Variants in CFAP299 observed in about 807,000 individuals in gnomAD.
CFAP299 encodes cilia and flagella associated protein 299.
In CFAP299, 21 loss-of-function variants were observed where a neutral mutation model predicts 27.0. The observed-to-expected ratio is 0.78, with a 90% CI of 0.55 to 1.12. The LOEUF (loss-of-function observed/expected upper bound fraction) is 1.12, where lower values mean the gene tolerates loss of function less well. Ranked by LOEUF, CFAP299 falls within the 50% of genes most tolerant of loss-of-function variation. CFAP299 has a pLI of 0.00. For synonymous variants in CFAP299, 104 were observed against 98.1 expected (o/e 1.06, Z -0.36); for missense variants, 310 against 276.6 (o/e 1.12, Z -0.86).
At chr4:80,848,991 A>G (rs1315825990) in intron 3 of CFAP299, among the ~76,000 whole-genome samples, 1 of 152,094 alleles carries the variant, frequency 6.6e-6, no homozygotes, top group Admixed American at 6.6e-5. Flanking sequence ...TTATAGAACA[A>G]CATTTTTCTT....
chr4:80,808,190 C>A (rs1728962289), intron 3 of CFAP299, among the ~76,000 whole-genome samples: 1 of 152,030 alleles, frequency 6.6e-6, no homozygotes, highest in Non-Finnish European at 1.5e-5. Context: ...TCAAGTTAAA[C>A]CAGTTAATTT....
At chr4:80,555,409 T>A (rs11934437) in intron 2 of CFAP299, among the ~76,000 whole-genome samples, 17,737 of 152,108 alleles carry the variant, frequency 0.12, 1,196 homozygotes, top group South Asian at 0.23. Context: ...CAATATTTTG[T>A]TAAGGAGTTT....
intron 2 of CFAP299, among the ~76,000 whole-genome samples, chr4:80,540,177 TA>T (rs1325157959): frequency 6.6e-6 from 1 of 152,220 alleles, no homozygotes; most frequent in Non-Finnish European, 1.5e-5. Context: ...GGTGTTTCAA[TA>T]AGTTTCCTTT....
chr4:80,748,398 T>C (rs892270895), intron 3 of CFAP299, among the ~76,000 whole-genome samples: 1 of 152,126 alleles, frequency 6.6e-6, no homozygotes, highest in Non-Finnish European at 1.5e-5. Context: ...ATAAAAAAAT[T>C]CATAATCTCC....
intron 3 of CFAP299, among the ~76,000 whole-genome samples, chr4:80,631,872 C>CA (rs1447037085): frequency 2.5e-5 from 3 of 120,472 alleles, no homozygotes; most frequent in South Asian, 7.0e-4. Flanking sequence ...CCACCCCCCC[C>CA]CAACCAAATT....
At chr4:80,487,072 A>G (rs1401377043) in intron 2 of CFAP299, among the ~76,000 whole-genome samples, 1 of 152,228 alleles carries the variant, frequency 6.6e-6, no homozygotes, top group African/African-American at 2.4e-5. Flanking sequence ...ATCAAGGCCT[A>G]TATATTATAT....
chr4:80,463,164 A>C (rs61495472), intron 2 of CFAP299, among the ~76,000 whole-genome samples: 1 of 151,826 alleles, frequency 6.6e-6, no homozygotes, highest in Non-Finnish European at 1.5e-5. Flanking sequence ...TTTTTTTTTT[A>C]ATTTTAATGT....
At chr4:80,824,436 A>G (rs1729874175) in intron 3 of CFAP299, among the ~76,000 whole-genome samples, 2 of 152,240 alleles carry the variant, frequency 1.3e-5, no homozygotes, top group East Asian at 3.9e-4. Flanking sequence ...AAGTACAGAC[A>G]CATAGGTAGG....
intron 3 of CFAP299, among the ~76,000 whole-genome samples, chr4:80,823,033 G>A (rs1729790523): frequency 6.6e-6 from 1 of 152,138 alleles, no homozygotes; most frequent in South Asian, 2.1e-4. Context: ...ATTTTAAGCA[G>A]CAATGCAGCT....
chr4:80,543,286 A>T (rs1734086291), intron 2 of CFAP299, among the ~76,000 whole-genome samples: 2 of 152,124 alleles, frequency 1.3e-5, no homozygotes, highest in African/African-American at 2.4e-5. Flanking sequence ...AACTCTGGCA[A>T]CTCTAAAAGC....
chr4:80,887,029 G>A (rs1398997478), intron 4 of CFAP299, among the ~76,000 whole-genome samples: 3 of 151,662 alleles, frequency 2.0e-5, no homozygotes, highest in Admixed American at 2.0e-4. Flanking sequence ...AAAATACACA[G>A]TCAGAGGAGA....
intron 3 of CFAP299, among the ~76,000 whole-genome samples, chr4:80,830,310 G>A (rs1329671392): frequency 6.6e-6 from 1 of 152,026 alleles, no homozygotes; most frequent in Non-Finnish European, 1.5e-5. Context: ...TATTATGATA[G>A]GGAACAGGTC....
intron 2 of CFAP299, among the ~76,000 whole-genome samples, chr4:80,391,083 A>T (rs1326108737): frequency 1.3e-5 from 2 of 151,812 alleles, no homozygotes; most frequent in Non-Finnish European, 2.9e-5. Context: ...ACATATATAC[A>T]CTCACACATA....
chr4:80,848,424 C>T (rs904023959), intron 3 of CFAP299, among the ~76,000 whole-genome samples: 7 of 152,102 alleles, frequency 4.6e-5, no homozygotes, highest in Non-Finnish European at 1.0e-4. Context: ...AGGCTACCAA[C>T]CTGTGCAATG....
intron 2 of CFAP299, among the ~76,000 whole-genome samples, chr4:80,477,915 A>G (rs1730360596): frequency 6.6e-6 from 1 of 152,192 alleles, no homozygotes; most frequent in Non-Finnish European, 1.5e-5. Flanking sequence ...GCAAATGGCT[A>G]GAGAAAAACC....
intron 4 of CFAP299, among the ~76,000 whole-genome samples, chr4:80,919,224 C>T (rs1735917368): frequency 6.6e-6 from 1 of 152,030 alleles, no homozygotes; most frequent in African/African-American, 2.4e-5. Context: ...ACAGAATATT[C>T]CTAATTAGAA....
intron 2 of CFAP299, among the ~76,000 whole-genome samples, chr4:80,376,946 C>T (rs894811309): frequency 5.3e-5 from 8 of 152,276 alleles, no homozygotes; most frequent in Admixed American, 5.2e-4. Flanking sequence ...GCTTATTTTC[C>T]ATGCATATCT....
chr4:80,383,748 T>A (rs1028058932), intron 2 of CFAP299, among the ~76,000 whole-genome samples: 3 of 152,220 alleles, frequency 2.0e-5, no homozygotes, highest in African/African-American at 7.2e-5. Flanking sequence ...TCATTATTAT[T>A]TGTTAAGCAA....
chr4:80,948,808 T>A (rs914297555), intron 5 of CFAP299, among the ~76,000 whole-genome samples: 2 of 152,120 alleles, frequency 1.3e-5, no homozygotes. Flanking sequence ...ATTGAATGGA[T>A]CATTCCCTCC....
Sources: gnomAD v4.1 joint callset for allele counts (sites outside exome capture counted in the v4.1 genomes callset) on GRCh38, gnomAD v4.1.1 for gene constraint, MANE v1.5 for transcripts, NCBI Gene and HGNC (gene_info 2026-07-23, HGNC 2026-07-21) for gene names.